The following KCNT2 variants were observed in gnomAD, a reference collection of about 807,000 sequenced individuals.
The protein encoded by KCNT2 is potassium channel subfamily T member 2.
Under a neutral mutation model 153.8 loss-of-function variants are expected in KCNT2, and 67 were observed. The observed-to-expected ratio is 0.44, with a 90% CI of 0.36 to 0.53. KCNT2 has a LOEUF of 0.53. Among genes scored for constraint, KCNT2 ranks in the 20% least tolerant of loss-of-function variants. KCNT2 has a pLI of 0.00. For missense variants in KCNT2, 975 were observed against 1,354.8 expected, an observed-to-expected ratio of 0.72 and a Z score of 4.40; for synonymous variants, 500 against 458.8, an observed-to-expected ratio of 1.09 and a Z score of -1.15.
intron 27 of KCNT2, among the ~76,000 whole-genome samples, chr1:196,228,917 A>G (rs1004975739): frequency 3.3e-5 from 5 of 152,148 alleles, no homozygotes; most frequent in Admixed American, 6.6e-5. Flanking sequence ...CGTTTAAATT[A>G]GCAGGAAAAT....
intron 1 of KCNT2, among the ~76,000 whole-genome samples, chr1:196,531,581 T>C (rs756316533): frequency 2.6e-5 from 4 of 152,136 alleles, no homozygotes; most frequent in Non-Finnish European, 5.9e-5. Flanking sequence ...CTCACATCTT[T>C]ATGGTATTCT....
intron 12 of KCNT2, among the ~76,000 whole-genome samples, chr1:196,417,381 C>T (rs747011251): frequency 2.6e-5 from 4 of 151,988 alleles, no homozygotes; most frequent in Admixed American, 6.6e-5. Flanking sequence ...ATTAAAAATG[C>T]TATCAAACCT....
intron 26 of KCNT2, among the ~76,000 whole-genome samples, chr1:196,253,107 C>T (rs927697939): frequency 2.0e-5 from 3 of 151,188 alleles, no homozygotes; most frequent in East Asian, 1.9e-4. Context: ...GAGTTCTCAT[C>T]GAATCTGAAA....
intron 25 of KCNT2, among the ~76,000 whole-genome samples, chr1:196,267,766 T>C (rs1445735782): frequency 6.6e-6 from 1 of 152,170 alleles, no homozygotes; most frequent in Admixed American, 6.5e-5. Flanking sequence ...ACTGTGCCTT[T>C]GGTTATGAAA....
At chr1:196,339,229 A>G (rs747440920) in intron 16 of KCNT2, among the ~76,000 whole-genome samples, 10 of 152,082 alleles carry the variant, frequency 6.6e-5, no homozygotes, top group Non-Finnish European at 1.3e-4. Flanking sequence ...AAGGCATTAG[A>G]GTGTTTCAGG....
chr1:196,226,530 G>C lies in KCNT2; in HGVS notation c.*1694C>G, dbSNP rs1054541127. 1 of 151,602 alleles carries C rather than the reference G, an allele frequency of 6.6e-6. No homozygotes were observed. The highest frequency in any genetic ancestry group is 2.1e-4 in the South Asian group (1 of 4,800). The allele number at this position is 151,602 out of a possible 1,614,324, so 9.4% of individuals were successfully genotyped here. A position where few individuals can be genotyped will look rare whatever the true frequency, so the allele number is the denominator to read the frequency against. On this transcript the variant is annotated 3_prime_UTR_variant, in exon 28 of 28. Transcript: ENST00000294725. The stretch of plus-strand genomic sequence containing the variant: ...TCTGATCAAAGTAGATTAAATACAG[G>C]GTCTCTGTTTTAGGGGTAATTCTTG...
chr1:196,499,909 C>T (rs1169666213), intron 1 of KCNT2, among the ~76,000 whole-genome samples: 2 of 151,850 alleles, frequency 1.3e-5, no homozygotes, highest in African/African-American at 2.4e-5. Flanking sequence ...TTTGGAAGGC[C>T]GAGGCAGGTG....
At chr1:196,503,735 G>A (rs1680886902) in intron 1 of KCNT2, among the ~76,000 whole-genome samples, 1 of 152,138 alleles carries the variant, frequency 6.6e-6, no homozygotes, top group Admixed American at 6.6e-5. Flanking sequence ...GAAACTGGAA[G>A]TTACATGAAC....
intron 12 of KCNT2, among the ~76,000 whole-genome samples, chr1:196,417,307 T>C (rs566476700): frequency 6.6e-6 from 1 of 152,078 alleles, no homozygotes; most frequent in Non-Finnish European, 1.5e-5. Context: ...TCCTCACAAC[T>C]AATGGCACAT....
At chr1:196,235,627 C>T (rs1925321) in intron 27 of KCNT2, among the ~76,000 whole-genome samples, 148,834 of 151,374 alleles carry the variant, frequency 0.98, 73,222 homozygotes, top group Middle Eastern at 1. Context: ...TGACCAATCA[C>T]AGTTTGGCTT....
At chr1:196,552,227 CCAATTCTCTTGATACAT>C (rs1658009022) in intron 1 of KCNT2, among the ~76,000 whole-genome samples, 1 of 151,410 alleles carries the variant, frequency 6.6e-6, no homozygotes, top group East Asian at 1.9e-4. Flanking sequence ...ATAACACTCT[CCAATTCTCTTGATACAT>C]CAATTCTCTT....
At chr1:196,393,500 C>A (rs373232766) in intron 13 of KCNT2, among the ~76,000 whole-genome samples, 2 of 151,584 alleles carry the variant, frequency 1.3e-5, no homozygotes, top group South Asian at 4.1e-4. Flanking sequence ...AACTGGAGAG[C>A]GCAGTTTATT....
At chr1:196,565,624 A>G (rs1328079498) in intron 1 of KCNT2, among the ~76,000 whole-genome samples, 1 of 149,962 alleles carries the variant, frequency 6.7e-6, no homozygotes, top group Non-Finnish European at 1.5e-5. Flanking sequence ...TATATGTTGT[A>G]TATATTATCA....
At chr1:196,415,635 T>C (rs760212118) in intron 12 of KCNT2, among the ~76,000 whole-genome samples, 4 of 151,868 alleles carry the variant, frequency 2.6e-5, no homozygotes, top group Admixed American at 6.6e-5. Context: ...TCCCTCAAAG[T>C]TTCTGTCTCT....
chr1:196,425,967 A>C lies in KCNT2; in HGVS notation c.1006T>G (p.Cys336Gly). Residue 336 changes from cysteine (C) to glycine (G), a missense_variant, in exon 11 of 28, where the codon TGT becomes GGT. By Grantham distance (159) the Cys-to-Gly change is radical. Transcript: ENST00000294725. The stretch of plus-strand genomic sequence containing the variant: ...ACCTGTACATCCATTTCAGTAGGAC[A>C]CAAAATCACCACATAATAATCCTAT... ...RLQDYYVVIL[C>G]PTEMDVQVRR... is the part of the protein sequence containing the mutation. 6.2e-7 allele frequency: 1 copy of C among 1,612,224 alleles called. No homozygotes were observed. The highest frequency in any genetic ancestry group is 8.5e-7 in the Non-Finnish European group (1 of 1,178,814).
At chr1:196,430,128 ATT>A (rs1327594209) in intron 8 of KCNT2, among the ~76,000 whole-genome samples, 1 of 151,844 alleles carries the variant, frequency 6.6e-6, no homozygotes, top group Non-Finnish European at 1.5e-5. Flanking sequence ...TTTTTTTATA[ATT>A]TTTTTGAGAC....
intron 1 of KCNT2, among the ~76,000 whole-genome samples, chr1:196,522,393 A>G (rs761938021): frequency 6.6e-6 from 1 of 152,212 alleles, no homozygotes; most frequent in Non-Finnish European, 1.5e-5. Flanking sequence ...ACAGATGTAC[A>G]TTTACCAAAA....
chr1:196,344,438 C>CTACT (rs1665963625), intron 14 of KCNT2, among the ~76,000 whole-genome samples: 1 of 152,158 alleles, frequency 6.6e-6, no homozygotes, highest in Non-Finnish European at 1.5e-5. Context: ...CATCTAGCTA[C>CTACT]TACTTCCTAA....
intron 6 of KCNT2, among the ~76,000 whole-genome samples, chr1:196,468,424 G>T (rs991787423): frequency 6.6e-6 from 1 of 152,016 alleles, no homozygotes; most frequent in Non-Finnish European, 1.5e-5. Context: ...ATTAAATTGC[G>T]ATTAAAATAT....
Sources: gnomAD v4.1 joint callset for allele counts (sites outside exome capture counted in the v4.1 genomes callset) on GRCh38, gnomAD v4.1.1 for gene constraint, MANE v1.5 for transcripts, NCBI Gene and HGNC (gene_info 2026-07-23, HGNC 2026-07-21) for gene names.